CSMD3: variants seen among roughly 807,000 people sequenced by gnomAD.
CSMD3 encodes the protein CUB and Sushi multiple domains 3.
Under a neutral mutation model 435.2 loss-of-function variants are expected in CSMD3, and 177 were observed. That is an observed-to-expected ratio of 0.41 (90% confidence interval 0.36 to 0.46). CSMD3 has a LOEUF of 0.46. Ranked by LOEUF, CSMD3 falls within the 20% of genes least tolerant of loss-of-function variation. The pLI, the probability that CSMD3 is intolerant of heterozygous loss-of-function variation, is 0.34. For missense variants in CSMD3, 4,265 were observed against 4,504.6 expected (o/e 0.95, Z 1.52); for synonymous variants, 1,656 against 1,520.5 (o/e 1.09, Z -2.07).
chr8:112,967,405 C>T (rs1318426716), intron 7 of CSMD3, among the ~76,000 whole-genome samples: 1 of 151,898 alleles, frequency 6.6e-6, no homozygotes, highest in African/African-American at 2.4e-5. Context: ...CCCACCTCAT[C>T]TACCTTACTC....
chr8:112,694,206 A>C (rs930821004), intron 13 of CSMD3, among the ~76,000 whole-genome samples: 5 of 152,010 alleles, frequency 3.3e-5, no homozygotes, highest in African/African-American at 1.2e-4. Flanking sequence ...AGTGAACTTT[A>C]TTCTAATGCA....
At chr8:113,171,583 A>C (rs2092268688) in intron 4 of CSMD3, among the ~76,000 whole-genome samples, 1 of 152,002 alleles carries the variant, frequency 6.6e-6, no homozygotes, top group Non-Finnish European at 1.5e-5. Flanking sequence ...TTTCCATATA[A>C]TATTCCATAT....
chr8:112,801,889 T>C (rs1271315056), intron 12 of CSMD3, among the ~76,000 whole-genome samples: 1 of 152,014 alleles, frequency 6.6e-6, no homozygotes, highest in East Asian at 1.9e-4. Flanking sequence ...CTAAGAGTTG[T>C]TTTTCTGGGA....
At chr8:112,786,492 G>A (rs1448668613) in intron 13 of CSMD3, among the ~76,000 whole-genome samples, 1 of 151,748 alleles carries the variant, frequency 6.6e-6, no homozygotes, top group Non-Finnish European at 1.5e-5. Context: ...CACAAAATGG[G>A]AGAAAATATT....
At chr8:112,560,839 A>T (rs1828558145) in intron 24 of CSMD3, among the ~76,000 whole-genome samples, 1 of 151,708 alleles carries the variant, frequency 6.6e-6, no homozygotes, top group African/African-American at 2.4e-5. Context: ...CTTCCAGCAG[A>T]TATAATATTC....
chr8:112,564,182 T>C (rs1828879501), intron 24 of CSMD3, among the ~76,000 whole-genome samples: 1 of 151,802 alleles, frequency 6.6e-6, no homozygotes, highest in Non-Finnish European at 1.5e-5. Context: ...TTCTTTTTTC[T>C]AGAGAGTGCA....
rs1221262371 is a variant in CSMD3 at position 112,587,141 on chromosome 8, A to G, written c.3810T>C (p.Ser1270=). 5.0e-6 allele frequency: 8 copies of G among 1,606,826 alleles called. No individual in the cohort carries two copies. Among genetic ancestry groups the G allele is most frequent in the Non-Finnish European group, 6.8e-6 (8 of 1,174,074 alleles). The change falls in exon 23 of 71, where the codon AGT becomes AGC. Residue 1270 remains serine, a synonymous_variant. Transcript: ENST00000297405. ...TTCCCTTTCCTGCTTGAACCTGAAT[A>G]CTATAAATGCATTCATGGTTGTTTT... ...NYENNHECIY[S]IQVQAGKGIN...
At chr8:112,928,239 T>A (rs574251849) in intron 9 of CSMD3, among the ~76,000 whole-genome samples, 5 of 152,272 alleles carry the variant, frequency 3.3e-5, no homozygotes, top group Admixed American at 6.5e-5. Context: ...GCAAAAGCCC[T>A]AGGCAAGTGC....
At chr8:112,388,267 A>C (rs1830133540) in intron 36 of CSMD3, among the ~76,000 whole-genome samples, 1 of 152,172 alleles carries the variant, frequency 6.6e-6, no homozygotes, top group African/African-American at 2.4e-5. Context: ...AGGAGATTGG[A>C]GACAACTGAG....
At chr8:112,606,335 A>G (rs1832790898) in intron 22 of CSMD3, among the ~76,000 whole-genome samples, 1 of 152,090 alleles carries the variant, frequency 6.6e-6, no homozygotes, top group South Asian at 2.1e-4. Flanking sequence ...ATCTTGCTTC[A>G]CCTAGAATCC....
At chr8:113,216,422 G>A (rs1379376284) in intron 3 of CSMD3, among the ~76,000 whole-genome samples, 1 of 151,852 alleles carries the variant, frequency 6.6e-6, no homozygotes, top group East Asian at 1.9e-4. Flanking sequence ...TTTGAACAAG[G>A]TATGAGGTAT....
intron 4 of CSMD3, among the ~76,000 whole-genome samples, chr8:113,129,849 A>C (rs1311285063): frequency 6.6e-6 from 1 of 152,122 alleles, no homozygotes; most frequent in Non-Finnish European, 1.5e-5. Context: ...ATCTGGTACC[A>C]GGCCATAAAT....
intron 30 of CSMD3, among the ~76,000 whole-genome samples, chr8:112,496,126 C>G (rs143798403): frequency 6.6e-6 from 1 of 152,122 alleles, no homozygotes. Context: ...CCCGCCACCA[C>G]GCCCGGCCAA....
rs376391582 is a variant in CSMD3 at position 112,528,947 on chromosome 8, G to A, written c.4565-11722C>T. Among the ~76,000 whole-genome samples the A allele has an allele frequency of 4.4e-4, 67 of 152,144 alleles. 2 individuals are homozygous for A. The South Asian group carries it at 0.014, about 32-fold the overall frequency. ...CTGATGGGACCAGCGCAGTACACCA[G>A]CTGGGGAAAACAGAGATGGAAGCTA... On this transcript the variant is annotated intron_variant, in intron 27 of 70. Transcript: ENST00000297405.
chr8:113,272,049 A>T (rs2093532240), intron 3 of CSMD3, among the ~76,000 whole-genome samples: 1 of 152,054 alleles, frequency 6.6e-6, no homozygotes. Flanking sequence ...AATTTCTCCC[A>T]TTTGGAATGG....
chr8:113,319,342 C>T (rs2093933281), intron 1 of CSMD3, among the ~76,000 whole-genome samples: 1 of 151,772 alleles, frequency 6.6e-6, no homozygotes, highest in African/African-American at 2.4e-5. Context: ...TACCTTTTTG[C>T]CATTTTATAG....
At chr8:112,266,997 T>C (rs1049401693) in intron 59 of CSMD3, among the ~76,000 whole-genome samples, 1 of 151,844 alleles carries the variant, frequency 6.6e-6, no homozygotes, top group African/African-American at 2.4e-5. Context: ...ATCTGGGTTA[T>C]TTTTTTTCTC....
intron 23 of CSMD3, among the ~76,000 whole-genome samples, chr8:112,584,583 T>C (rs1438522013): frequency 1.3e-5 from 2 of 151,754 alleles, no homozygotes; most frequent in African/African-American, 4.8e-5. Flanking sequence ...ATTTTTGTTT[T>C]GGTCAGAATC....
chr8:112,254,070 TA>T (rs895101194), intron 63 of CSMD3, among the ~76,000 whole-genome samples, 182 bp downstream of exon 63: 19 of 152,142 alleles, frequency 1.2e-4, no homozygotes, highest in Middle Eastern at 3.4e-3. Context: ...GAAATTTTAT[TA>T]AAAAAATTTT....
Sources: gnomAD v4.1 joint callset for allele counts (sites outside exome capture counted in the v4.1 genomes callset) on GRCh38, gnomAD v4.1.1 for gene constraint, MANE v1.5 for transcripts, NCBI Gene and HGNC (gene_info 2026-07-23, HGNC 2026-07-21) for gene names.